SCNN1A: variants seen among roughly 807,000 people sequenced by gnomAD.
The protein encoded by SCNN1A is epithelial sodium channel subunit alpha.
SCNN1A carries 65 observed loss-of-function variants against 68.6 expected under a neutral mutation model. The ratio of observed to expected loss-of-function variants is 0.95; its 90% CI spans 0.78 to 1.16. SCNN1A has a LOEUF of 1.16. Among genes scored for constraint, SCNN1A ranks in the 50% most tolerant of loss-of-function variants. The pLI, the probability that SCNN1A is intolerant of heterozygous loss-of-function variation, is 0.00. For missense variants in SCNN1A, 880 were observed against 865.9 expected (o/e 1.02, Z -0.20); for synonymous variants, 357 against 353.3 (o/e 1.01, Z -0.12).
chr12:6,363,468 T>C lies in SCNN1A; in HGVS notation c.659A>G (p.Lys220Arg), dbSNP rs755588373. 3 of 1,601,506 alleles carry C rather than the reference T, an allele frequency of 1.9e-6. No homozygotes were observed. Among genetic ancestry groups the C allele is most frequent in the Admixed American group, 1.7e-5 (1 of 58,874 alleles). ...CAGCTGGAAGCCGATCTTCCAGTCC[T>C]TCCAGTCCACCTGGGGGTTGTTGTC... ...LRDNNPQVDW[K>R]DWKIGFQLCN... Residue 220 changes from lysine (K) to arginine (R), a missense_variant, in exon 3 of 13, where the codon AAG (lysine) becomes AGG (arginine). Coordinates refer to ENST00000228916, the MANE Select transcript of SCNN1A (RefSeq NM_001038.6).
At chr12:6,376,119 A>G, upstream of SCNN1A, 1 of 987,798 alleles carries the variant, frequency 1.0e-6, no homozygotes, top group Non-Finnish European at 1.2e-6. Flanking sequence ...GGTCAGCCTC[A>G]CCCTCAGGCC....
intron 5 of SCNN1A, 85 bp downstream of exon 5, chr12:6,355,692 A>G: frequency 9.7e-7 from 1 of 1,029,562 alleles, no homozygotes. Flanking sequence ...GACCCCTCCC[A>G]GCAGCTCTAG....
chr12:6,376,056 G>A (rs753850146), upstream of SCNN1A: 8 of 992,040 alleles, frequency 8.1e-6, no homozygotes, highest in Non-Finnish European at 8.4e-6. Context: ...TCCCAAGTGT[G>A]CTTCCAGGAG....
rs1948478068 is a variant in SCNN1A at position 6,355,404 on chromosome 12, A to T, written c.1011T>A (p.Asn337Lys). The T allele has an allele frequency of 6.2e-7, 1 of 1,613,966 alleles. No individual in the cohort carries two copies. The highest frequency in any genetic ancestry group is 1.3e-5 in the African/African-American group (1 of 74,932). Residue 337 changes from asparagine to lysine, a missense_variant, in exon 6 of 13, where the codon AAT (asparagine) becomes AAA (lysine). This residue lies in a region of SCNN1A where 758 missense variants were observed against 721.8 expected (regional missense o/e 1.05). Coordinates refer to ENST00000228916, the MANE Select transcript of SCNN1A (RefSeq NM_001038.6). ...CTGTGGACAGCAGGGGAATGAAGTC[A>T]TTCTGCTCTGCGCGCAGCATCAGGG... ...GLSLMLRAEQ[N>K]DFIPLLSTVT...
intron 1 of SCNN1A, 131 bp downstream of exon 1, chr12:6,375,374 G>C (rs1334482711): frequency 2.0e-6 from 3 of 1,470,038 alleles, no homozygotes; most frequent in Admixed American, 2.4e-5. Flanking sequence ...TCCTGATTCT[G>C]TCTCTGCCCC....
intron 3 of SCNN1A, 126 bp from the exon 4 acceptor site, chr12:6,362,367 T>C: frequency 3.6e-6 from 3 of 838,580 alleles, no homozygotes; most frequent in Non-Finnish European, 2.1e-6. Flanking sequence ...AAGCCAGGAG[T>C]GGGGAAAGAC....
chr12:6,354,799 C>T lies in SCNN1A; in HGVS notation c.1193G>A (p.Gly398Asp). The change falls in exon 7 of 13, where the codon GGC (glycine) becomes GAC (aspartate). Residue 398 changes from glycine to aspartate, a missense_variant. Around this residue, in one of 3 missense-constraint regions of SCNN1A, gnomAD observed 758 missense variants for 721.8 expected, o/e 1.05. Transcript: ENST00000228916. ...AAGGTTCTCAACAGGAACATCACTG[C>T]CATTCTTGGTGCAGTCGCCATAATC... Reference protein sequence around the residue: ...GGDYGDCTKNGSDVPVENLYP... With the variant: ...GGDYGDCTKNDSDVPVENLYP... 3 of 1,614,044 alleles carry T rather than the reference C, an allele frequency of 1.9e-6. No individual in the cohort carries two copies. The highest frequency in any genetic ancestry group is 2.5e-6 in the Non-Finnish European group (3 of 1,179,990).
At chr12:6,356,958 T>C (rs1230786542) in intron 4 of SCNN1A, among the ~76,000 whole-genome samples, 2 of 152,086 alleles carry the variant, frequency 1.3e-5, no homozygotes, top group African/African-American at 2.4e-5. Context: ...CTCTGTAAAA[T>C]GTAGGATGAT....
intron 6 of SCNN1A, 81 bp downstream of exon 6, chr12:6,355,185 GCTCTCC>G (rs1948474296): frequency 1.4e-6 from 2 of 1,444,380 alleles, no homozygotes; most frequent in Non-Finnish European, 1.9e-6. Flanking sequence ...CACCCCACAT[GCTCTCC>G]CTCTCCAGCC....
chr12:6,375,673 G>T (rs1481316741), upstream of SCNN1A: 1 of 1,466,432 alleles, frequency 6.8e-7, no homozygotes, highest in Admixed American at 2.3e-5. Context: ...CCGAGGGCAG[G>T]TGAACTGGGA....
upstream of SCNN1A, chr12:6,376,033 A>G (rs1948902700): frequency 1.0e-6 from 1 of 994,090 alleles, no homozygotes; most frequent in South Asian, 4.5e-5. Flanking sequence ...CAGGAAGGAG[A>G]GCAAGGGGGG....
At chr12:6,368,820 CTG>C (rs1167064906) in intron 2 of SCNN1A, among the ~76,000 whole-genome samples, 2 of 152,202 alleles carry the variant, frequency 1.3e-5, no homozygotes, top group Non-Finnish European at 2.9e-5. Flanking sequence ...CACTTTCTGT[CTG>C]TGTAACTCGG....
At chr12:6,359,043 C>A (rs891990867) in intron 4 of SCNN1A, among the ~76,000 whole-genome samples, 2 of 152,020 alleles carry the variant, frequency 1.3e-5, no homozygotes, top group African/African-American at 4.8e-5. Context: ...CCACCACAGG[C>A]AATCCATAGA....
At position 6,361,941 on chromosome 12, in the gene SCNN1A, G is replaced by A. The variant is rs112464342; in HGVS notation, c.875+110C>T. On this transcript the variant is annotated intron_variant, in intron 4 of 12. Transcript: ENST00000228916. ...GCTTCCCCCTGGCCTGCTGGCACTG[G>A]CATTTTTTTAGTCAACAAGCATTTC... The A allele has an allele frequency of 7.5e-5, 93 of 1,242,004 alleles. 2 individuals carry two copies. The African/African-American group carries it at 1.1e-3, about 15-fold the overall frequency. The allele number at this position is 1,242,004 out of a possible 1,614,324, so 76.9% of individuals were successfully genotyped here. A position where few individuals can be genotyped will look rare whatever the true frequency, so the allele number is the denominator to read the frequency against.
rs1479869671 is a variant in SCNN1A, at chr12:6,355,686, C to A, written c.979+91G>T. ...TTGGGGAGAGACAGCAGGCAGGACC[C>A]CTCCCAGCAGCTCTAGGAGGTGAGC... On this transcript the variant is annotated intron_variant, in intron 5 of 12. Coordinates refer to ENST00000228916, the MANE Select transcript of SCNN1A (RefSeq NM_001038.6). The A allele has an allele frequency of 1.3e-5, 13 of 1,000,412 alleles. No homozygotes were observed. The South Asian group carries it at 1.4e-4, about 11-fold the overall frequency. 62.0% of individuals were successfully genotyped at this position (1,000,412 alleles called of 1,614,324 possible).
rs1268808641 is a variant in SCNN1A, at chr12:6,348,099, G to A, written c.1784C>T (p.Pro595Leu). 6.2e-7 allele frequency: 1 copy of A among 1,614,132 alleles called. No homozygotes were observed. Among genetic ancestry groups the A allele is most frequent in the Non-Finnish European group, 8.5e-7 (1 of 1,180,026 alleles). The change falls in exon 13 of 13, where the codon CCA (proline) becomes CTA (leucine). Residue 595 changes from proline to leucine, a missense_variant. Coordinates refer to ENST00000228916, the MANE Select transcript of SCNN1A (RefSeq NM_001038.6). ...CTGAGCACCCCTGCCCCCTCGGCCT[G>A]GAGACCAGTATCGGCTTCGGAACCT... is the stretch of plus-strand genomic sequence containing the variant. ...LRRFRSRYWS[P>L]GRGGRGAQEV... is the part of the protein sequence containing the mutation.
At position 6,355,891 on chromosome 12, in the gene SCNN1A, AAG is replaced by A. The variant is rs754743528; in HGVS notation, c.876-13_876-12del. 12 of 1,533,186 alleles carry A rather than the reference AAG, an allele frequency of 7.8e-6. No individual in the cohort carries two copies. The highest frequency in any genetic ancestry group is 9.9e-6 in the Non-Finnish European group (11 of 1,106,064). The allele number at this position is 1,533,186 out of a possible 1,614,324, so 95.0% of individuals were successfully genotyped here. On this transcript the variant is annotated splice_polypyrimidine_tract_variant and intron_variant, in intron 4 of 12. Transcript: ENST00000228916. Reference sequence around the variant, plus strand: ...AAGTGAGAGTAATTCCTTATCAGGAAAGAGAGAGTAGGGTCAGAGAGGAAAGT... The same window carrying A: ...AAGTGAGAGTAATTCCTTATCAGGAAAGAGAGTAGGGTCAGAGAGGAAAGT...
At chr12:6,357,569 G>A (rs1355749979) in intron 4 of SCNN1A, among the ~76,000 whole-genome samples, 1 of 148,554 alleles carries the variant, frequency 6.7e-6, no homozygotes, top group Non-Finnish European at 1.5e-5. Context: ...AAAAAAAATA[G>A]TAAGAGGTGA....
intron 3 of SCNN1A, 50 bp downstream of exon 3, chr12:6,363,393 C>A: frequency 6.8e-7 from 1 of 1,463,504 alleles, no homozygotes; most frequent in Non-Finnish European, 9.0e-7. Flanking sequence ...GTGGGCGGGG[C>A]CAGGGGCCGG....
Sources: allele counts gnomAD v4.1 joint callset (sites outside exome capture counted in the v4.1 genomes callset), GRCh38; gene constraint gnomAD v4.1.1; regional missense constraint gnomAD v4.1.1; transcripts MANE v1.5; gene names NCBI Gene and HGNC (gene_info 2026-07-23, HGNC 2026-07-21).